RABGAP1L: variants seen among roughly 807,000 people sequenced by gnomAD.
The protein encoded by RABGAP1L is rab GTPase-activating protein 1-like.
A neutral mutation model predicts 137.7 loss-of-function variants in RABGAP1L; 63 were observed. That is an observed-to-expected ratio of 0.46 (90% CI 0.37 to 0.56). The LOEUF is 0.56. Among genes scored for constraint, RABGAP1L ranks in the 20% least tolerant of loss-of-function variants. RABGAP1L has a pLI of 0.00. For missense variants in RABGAP1L, 1,095 were observed against 1,244.0 expected (o/e 0.88, Z 1.80); for synonymous variants, 431 against 433.7 (o/e 0.99, Z 0.08).
intron 11 of RABGAP1L, among the ~76,000 whole-genome samples, chr1:174,315,797 G>A (rs1439396777): frequency 6.6e-6 from 1 of 151,714 alleles, no homozygotes; most frequent in South Asian, 2.1e-4. Context: ...TCTTTCTCTA[G>A]GTTTGGGAAT....
At chr1:174,839,534 A>C (rs1170830431) in intron 19 of RABGAP1L, among the ~76,000 whole-genome samples, 1 of 152,246 alleles carries the variant, frequency 6.6e-6, no homozygotes, top group Non-Finnish European at 1.5e-5. Context: ...AAAGTAACGT[A>C]TATAATCCTA....
intron 13 of RABGAP1L, among the ~76,000 whole-genome samples, chr1:174,397,780 A>G (rs1462317478): frequency 6.6e-6 from 1 of 152,148 alleles, no homozygotes; most frequent in Non-Finnish European, 1.5e-5. Context: ...CCAGACTGCC[A>G]GCTTTGTTCA....
At chr1:174,431,579 A>T (rs999814988) in intron 13 of RABGAP1L, among the ~76,000 whole-genome samples, 2 of 152,200 alleles carry the variant, frequency 1.3e-5, no homozygotes, top group African/African-American at 4.8e-5. Context: ...AAAAATTCTT[A>T]TAAGCTTAGT....
chr1:174,230,952 A>G (rs748164472), intron 3 of RABGAP1L, among the ~76,000 whole-genome samples, 193 bp from the exon 4 acceptor site: 13 of 152,324 alleles, frequency 8.5e-5, no homozygotes, highest in African/African-American at 2.4e-4. Flanking sequence ...GAACTCTGAC[A>G]TAAGATTTAG....
intron 11 of RABGAP1L, among the ~76,000 whole-genome samples, chr1:174,349,461 C>A (rs1269800041): frequency 7.6e-6 from 1 of 132,186 alleles, no homozygotes; most frequent in South Asian, 2.5e-4. Flanking sequence ...GTGGGGCTGA[C>A]CCCCCCACCT....
intron 18 of RABGAP1L, among the ~76,000 whole-genome samples, chr1:174,809,177 T>C (rs914993480): frequency 1.3e-5 from 2 of 152,216 alleles, no homozygotes; most frequent in African/African-American, 4.8e-5. Context: ...TGCCCCATGG[T>C]TGCCAGATCT....
In RABGAP1L at chr1:174,764,484, A is replaced by G. The variant is rs575880386; in HGVS notation, c.2211+12130A>G. On this transcript the variant is annotated intron_variant, in intron 18 of 25. Transcript: ENST00000681986. ...GCCCAATATGATGTGCTGCCTCAACATCTGGCAGAAATCAGGAAGGCCTCC... is the reference window on the plus strand; with the variant it reads ...GCCCAATATGATGTGCTGCCTCAACGTCTGGCAGAAATCAGGAAGGCCTCC... Among the ~76,000 whole-genome samples, 4 of 152,354 alleles carry G rather than the reference A, an allele frequency of 2.6e-5. No homozygotes were observed. The East Asian group carries it at 7.7e-4, about 29-fold the overall frequency.
At chr1:174,925,548 T>C (rs1310117012) in intron 19 of RABGAP1L, among the ~76,000 whole-genome samples, 3 of 151,912 alleles carry the variant, frequency 2.0e-5, no homozygotes, top group Non-Finnish European at 4.4e-5. Context: ...AGGGGAGGGC[T>C]TTGTAGGCCA....
rs374195643 is a variant in RABGAP1L, at chr1:174,915,039, T to C, written c.2341-42418T>C. Among the ~76,000 whole-genome samples the C allele has an allele frequency of 5.9e-4, 90 of 152,344 alleles. 1 individual carries two copies. The South Asian group carries it at 0.018, about 31-fold the overall frequency. ...TGTTCCTTTTCGTTGCATAGTGCAT[T>C]GTATGGATAGCCCACATTTTGTTTA... is the stretch of plus-strand genomic sequence containing the variant. On this transcript the variant is annotated intron_variant, in intron 19 of 25. Coordinates refer to ENST00000681986, the MANE Select transcript of RABGAP1L (RefSeq NM_001366446.1).
At chr1:174,656,570 A>G (rs1675987405) in intron 14 of RABGAP1L, among the ~76,000 whole-genome samples, 1 of 152,232 alleles carries the variant, frequency 6.6e-6, no homozygotes, top group Non-Finnish European at 1.5e-5. Flanking sequence ...GTCCAAAAAG[A>G]AACCTTATAC....
intron 14 of RABGAP1L, among the ~76,000 whole-genome samples, chr1:174,662,360 T>C (rs539987431): frequency 1.2e-4 from 18 of 152,218 alleles, no homozygotes; most frequent in Non-Finnish European, 1.9e-4. Context: ...CGCCTTGGCC[T>C]CCCAAAATGC....
intron 18 of RABGAP1L, among the ~76,000 whole-genome samples, chr1:174,795,546 A>G (rs889086074): frequency 5.3e-5 from 8 of 152,148 alleles, no homozygotes; most frequent in Admixed American, 2.0e-4. Context: ...CCTTATTAAC[A>G]TGCTAATAAA....
intron 18 of RABGAP1L, among the ~76,000 whole-genome samples, chr1:174,757,294 C>A (rs140461409): frequency 6.6e-6 from 1 of 151,858 alleles, no homozygotes; most frequent in South Asian, 2.1e-4. Flanking sequence ...TAAATAAAAC[C>A]GTAACAAATA....
Position 174,510,168 on chromosome 1 carries a change from G to T in RABGAP1L, c.1710+116023G>T, listed in dbSNP as rs148256312. 9.2e-4 allele frequency among the ~76,000 whole-genome samples: 140 copies of T among 152,248 alleles called. 1 individual carries two copies. Among genetic ancestry groups the T allele is most frequent in the African/African-American group, 3.0e-3 (124 of 41,546 alleles). ...CATTTGCAAGGCCTGTCCCAGTTTA[G>T]CTCTTTAGCCTCCTTTTGCATATAT... On this transcript the variant is annotated intron_variant, in intron 13 of 25. Transcript: ENST00000681986.
intron 19 of RABGAP1L, among the ~76,000 whole-genome samples, chr1:174,851,847 C>T (rs1648415260): frequency 6.6e-6 from 1 of 152,068 alleles, no homozygotes; most frequent in South Asian, 2.1e-4. Flanking sequence ...AGGAAATTAA[C>T]TCCTACCTTT....
chr1:174,206,844 A>G (rs1407408395), intron 1 of RABGAP1L, among the ~76,000 whole-genome samples: 1 of 152,208 alleles, frequency 6.6e-6, no homozygotes, highest in Non-Finnish European at 1.5e-5. Flanking sequence ...CAAGTGAGGT[A>G]TTAATTTAGA....
At chr1:174,535,579 A>G (rs1215595750) in intron 13 of RABGAP1L, among the ~76,000 whole-genome samples, 1 of 152,158 alleles carries the variant, frequency 6.6e-6, no homozygotes, top group Admixed American at 6.5e-5. Context: ...TTCAGTGGAG[A>G]CATCTTAGAT....
intron 11 of RABGAP1L, among the ~76,000 whole-genome samples, chr1:174,327,615 TTGA>T (rs1680550802): frequency 1.3e-5 from 2 of 151,908 alleles, no homozygotes; most frequent in Admixed American, 1.3e-4. Context: ...AGAGAACAAG[TTGA>T]TAATATGGCA....
chr1:174,345,187 A>G (rs1393779736), intron 11 of RABGAP1L, among the ~76,000 whole-genome samples: 7 of 152,102 alleles, frequency 4.6e-5, no homozygotes, highest in Non-Finnish European at 8.8e-5. Flanking sequence ...TTTGGTTGCT[A>G]TAGCTCTTTA....
Sources: allele counts gnomAD v4.1 joint callset (sites outside exome capture counted in the v4.1 genomes callset), GRCh38; gene constraint gnomAD v4.1.1; transcripts MANE v1.5; gene names NCBI Gene and HGNC (gene_info 2026-07-23, HGNC 2026-07-21).